The following USP6NL variants were observed in gnomAD, a reference collection of about 807,000 sequenced individuals.
The protein encoded by USP6NL is USP6 N-terminal-like protein.
A neutral mutation model predicts 61.9 loss-of-function variants in USP6NL; 26 were observed. The ratio of observed to expected loss-of-function variants is 0.42; its 90% CI spans 0.31 to 0.58. The LOEUF (loss-of-function observed/expected upper bound fraction) is 0.58. Among genes scored for constraint, USP6NL ranks in the 20% least tolerant of loss-of-function variants. The pLI is 0.16. For synonymous variants in USP6NL, 432 were observed against 390.1 expected (o/e 1.11, Z -1.27); for missense variants, 1,114 against 1,034.3 (o/e 1.08, Z -1.06).
chr10:11,516,489 C>T (rs1834963231), intron 5 of USP6NL, among the ~76,000 whole-genome samples: 1 of 152,114 alleles, frequency 6.6e-6, no homozygotes, highest in Non-Finnish European at 1.5e-5. Context: ...TTAACTCAAA[C>T]CTGAAGAACT....
chr10:11,523,264 G>A (rs1835281075), intron 4 of USP6NL, among the ~76,000 whole-genome samples: 1 of 152,178 alleles, frequency 6.6e-6, no homozygotes, highest in Non-Finnish European at 1.5e-5. Flanking sequence ...TTTATACCTA[G>A]AAATGCTTCT....
chr10:11,590,362 C>T (rs900208987), intron 2 of USP6NL, among the ~76,000 whole-genome samples: 44 of 152,312 alleles, frequency 2.9e-4, no homozygotes, highest in African/African-American at 1.0e-3. Context: ...CCATCACATA[C>T]ACTGATAGCC....
At chr10:11,560,713 A>T (rs1275172412) in intron 2 of USP6NL, among the ~76,000 whole-genome samples, 7 of 101,778 alleles carry the variant, frequency 6.9e-5, no homozygotes, top group East Asian at 4.1e-4. Context: ...ATATATATAT[A>T]TTATATATAT....
intron 2 of USP6NL, among the ~76,000 whole-genome samples, chr10:11,546,859 T>C (rs750363521): frequency 6.6e-6 from 1 of 152,192 alleles, no homozygotes; most frequent in Non-Finnish European, 1.5e-5. Flanking sequence ...TTTTGGAAAA[T>C]GTGGTTTCTT....
chr10:11,539,483 C>T (rs1835966584), intron 2 of USP6NL, among the ~76,000 whole-genome samples: 1 of 152,210 alleles, frequency 6.6e-6, no homozygotes, highest in African/African-American at 2.4e-5. Flanking sequence ...TGAGTCACAG[C>T]TTAAAAGGAT....
At chr10:11,466,541 T>G (rs1314823311) in intron 14 of USP6NL, among the ~76,000 whole-genome samples, 2 of 152,226 alleles carry the variant, frequency 1.3e-5, no homozygotes, top group Non-Finnish European at 2.9e-5. Context: ...AGATCCGCTA[T>G]GAGGATAAGA....
At chr10:11,533,437 G>A (rs1591898199) in intron 2 of USP6NL, among the ~76,000 whole-genome samples, 1 of 152,340 alleles carries the variant, frequency 6.6e-6, no homozygotes, top group South Asian at 2.1e-4. Context: ...AGTGATTACA[G>A]ATGTAATTCA....
At chr10:11,512,114 A>G (rs1421731326) in intron 5 of USP6NL, among the ~76,000 whole-genome samples, 3 of 152,230 alleles carry the variant, frequency 2.0e-5, no homozygotes, top group Non-Finnish European at 2.9e-5. Context: ...CCCCCAAAAA[A>G]TAAGCTAGGG....
rs545336963 is a variant in USP6NL, at chr10:11,476,988, C to T, written c.1078+4782G>A. Among the ~76,000 whole-genome samples the T allele has an allele frequency of 2.2e-3, 328 of 152,330 alleles. 1 individual carries two copies. Among genetic ancestry groups the T allele is most frequent in the African/African-American group, 7.6e-3 (317 of 41,568 alleles). ...CCAGGTTCAAGCAATCCTCCTGCCTCAGCCTCCCGAGTAGTTGGGATTACA... is the reference window on the plus strand; with the variant it reads ...CCAGGTTCAAGCAATCCTCCTGCCTTAGCCTCCCGAGTAGTTGGGATTACA... On this transcript the variant is annotated intron_variant, in intron 14 of 14. Transcript: ENST00000609104. The surrounding 1 kb of genome is among the most constrained non-coding windows in gnomAD (Gnocchi z 4.3).
chr10:11,462,441 TCACAGCAA>T lies in USP6NL; in HGVS notation c.2479_2486del (p.Leu827ArgfsTer32). 1 of 1,611,374 alleles carries T rather than the reference TCACAGCAA, an allele frequency of 6.2e-7. No individual in the cohort carries two copies. Among genetic ancestry groups the T allele is most frequent in the African/African-American group, 1.3e-5 (1 of 74,940 alleles). On this transcript the variant is annotated frameshift_variant and stop_lost, in exon 15 of 15. Coordinates refer to ENST00000609104, the MANE Select transcript of USP6NL (RefSeq NM_014688.5). LOFTEE classifies it high-confidence loss of function. ...GTCTTTAGCAAGTACACGTCAAATC[TCACAGCAA>T]CACTGACTCTTGGATGGAAAGCCCG...
At chr10:11,475,596 CAAAAAAAAAAAAAA>C (rs35589300) in intron 14 of USP6NL, among the ~76,000 whole-genome samples, 1 of 38,728 alleles carries the variant, frequency 2.6e-5, no homozygotes, top group Non-Finnish European at 4.7e-5. Context: ...AACTCTGTCG[CAAAAAAAAAAAAAA>C]AAAAAAAAAA....
intron 2 of USP6NL, among the ~76,000 whole-genome samples, chr10:11,551,306 C>G (rs1168599341): frequency 6.6e-6 from 1 of 152,146 alleles, no homozygotes. Flanking sequence ...CTGCTGATAA[C>G]ACGAAACAAT....
At position 11,602,970 on chromosome 10, in the gene USP6NL, C is replaced by T. The variant is rs759349581; in HGVS notation, c.-83-5253G>A. On this transcript the variant is annotated intron_variant, in intron 1 of 14. Transcript: ENST00000609104. This position sits in a 1 kb window ranked among gnomAD's most constrained non-coding sequence, Gnocchi z 4.8. ...ATGCTCTTGCTGCAACCCCGTGAAACATAACGTCACATTTCTACAGCTTTA... is the reference window on the plus strand; with the variant it reads ...ATGCTCTTGCTGCAACCCCGTGAAATATAACGTCACATTTCTACAGCTTTA... Among the ~76,000 whole-genome samples the T allele has an allele frequency of 1.3e-5, 2 of 152,214 alleles. No individual in the cohort carries two copies. Among genetic ancestry groups the T allele is most frequent in the Non-Finnish European group, 2.9e-5 (2 of 68,038 alleles).
chr10:11,566,611 C>A (rs1837168768), intron 2 of USP6NL, among the ~76,000 whole-genome samples: 1 of 152,248 alleles, frequency 6.6e-6, no homozygotes, highest in African/African-American at 2.4e-5. Flanking sequence ...TCTGGCTATA[C>A]AATCTATCCA....
In USP6NL at chr10:11,548,854, C is replaced by A. The variant is rs961049871; in HGVS notation, c.5-21287G>T. On this transcript the variant is annotated intron_variant, in intron 2 of 14. Coordinates refer to ENST00000609104, the MANE Select transcript of USP6NL (RefSeq NM_014688.5). The surrounding 1 kb of genome is among the most constrained non-coding windows in gnomAD (Gnocchi z 4.3). ...TTATCTCCAACATTTCTTTAGGTTG[C>A]CTGTTAAGTAATAACAAAAAAAGGA... Among the ~76,000 whole-genome samples the A allele has an allele frequency of 9.9e-5, 15 of 152,084 alleles. No homozygotes were observed. Among genetic ancestry groups the A allele is most frequent in the Non-Finnish European group, 1.9e-4 (13 of 67,990 alleles).
At chr10:11,480,601 T>A (rs1240660651) in intron 14 of USP6NL, among the ~76,000 whole-genome samples, 1 of 152,234 alleles carries the variant, frequency 6.6e-6, no homozygotes, top group Non-Finnish European at 1.5e-5. Flanking sequence ...CCTAGGAGCC[T>A]GGATGACCTT....
intron 10 of USP6NL, among the ~76,000 whole-genome samples, chr10:11,486,488 T>C (rs1833474571): frequency 6.6e-6 from 1 of 152,154 alleles, no homozygotes; most frequent in South Asian, 2.1e-4. Flanking sequence ...TACAATATAA[T>C]CTATATCTAA....
intron 2 of USP6NL, among the ~76,000 whole-genome samples, chr10:11,543,182 C>T (rs1029101626): frequency 1.3e-5 from 2 of 152,042 alleles, no homozygotes; most frequent in African/African-American, 4.8e-5. Flanking sequence ...AAATTTTACT[C>T]AAAAAGCAAA....
At chr10:11,558,756 A>G (rs917418189) in intron 2 of USP6NL, among the ~76,000 whole-genome samples, 4 of 152,256 alleles carry the variant, frequency 2.6e-5, no homozygotes, top group Admixed American at 6.5e-5. Flanking sequence ...GAAATTACAT[A>G]TAAATATCTA....
Sources: gnomAD v4.1 joint callset for allele counts (sites outside exome capture counted in the v4.1 genomes callset) on GRCh38, gnomAD v4.1.1 for gene constraint, Gnocchi (gnomAD v3.1) non-coding constraint, MANE v1.5 for transcripts, NCBI Gene and HGNC (gene_info 2026-07-23, HGNC 2026-07-21) for gene names.